Variants in DNAAF9 observed in about 807,000 individuals in gnomAD.
The protein encoded by DNAAF9 is dynein axonemal assembly factor 9.
A neutral mutation model predicts 167.0 loss-of-function variants in DNAAF9; 90 were observed. The observed-to-expected ratio is 0.54, with a 90% CI of 0.45 to 0.64. The LOEUF is 0.64. DNAAF9 is among the 30% of genes least tolerant of loss of function. DNAAF9 has a pLI of 0.00. For synonymous variants in DNAAF9, 491 were observed against 508.8 expected (o/e 0.96, Z 0.47); for missense variants, 1,315 against 1,442.2 (o/e 0.91, Z 1.43).
chr20:3,257,167 C>T lies in DNAAF9; in HGVS notation c.3056-956G>A, dbSNP rs146477949. 4.9e-4 allele frequency among the ~76,000 whole-genome samples: 74 copies of T among 151,930 alleles called. 1 individual carries two copies. The highest frequency in any genetic ancestry group is 3.4e-3 in the Admixed American group (52 of 15,258). On this transcript the variant is annotated intron_variant, in intron 33 of 36. Coordinates refer to ENST00000252032, the MANE Select transcript of DNAAF9 (RefSeq NM_001009984.3). Reference sequence around the variant, plus strand: ...CTGAAAGGCAGGATGAGAAAGGATCCGGAAAAAAGCGAGGTTAAATTTGAA... The same window carrying T: ...CTGAAAGGCAGGATGAGAAAGGATCTGGAAAAAAGCGAGGTTAAATTTGAA...
intron 6 of DNAAF9, among the ~76,000 whole-genome samples, chr20:3,369,462 C>G (rs2083480376): frequency 6.6e-6 from 1 of 152,028 alleles, no homozygotes; most frequent in South Asian, 2.1e-4. Flanking sequence ...CTGCAACCCC[C>G]ACTTCCTGGG....
chr20:3,256,230 T>TGTAAGGAGAA lies in DNAAF9; in HGVS notation c.3056-20_3056-19insTTCTCCTTAC, dbSNP rs774177629. ...TCAGAGTCTGTAAGGAGAATACACATTAGTCCCTGAGAGCCTGCCTTGAAA... is the reference window on the plus strand; with the variant it reads ...TCAGAGTCTGTAAGGAGAATACACATGTAAGGAGAATAGTCCCTGAGAGCCTGCCTTGAAA... On this transcript the variant is annotated intron_variant, in intron 33 of 36. Coordinates refer to ENST00000252032, the MANE Select transcript of DNAAF9 (RefSeq NM_001009984.3). The TGTAAGGAGAA allele has an allele frequency of 1.3e-5, 21 of 1,569,098 alleles. No individual in the cohort carries two copies. In the African/African-American group the frequency reaches 2.8e-4, roughly 21 times the overall value.
At chr20:3,306,895 A>G (rs2069307679) in intron 20 of DNAAF9, 1 of 985,082 alleles carries the variant, frequency 1.0e-6, no homozygotes, top group Admixed American at 6.2e-5. Flanking sequence ...GTTTCCAGAG[A>G]TAAGAGGGCT....
chr20:3,290,194 G>C lies in DNAAF9; in HGVS notation c.2262C>G (p.Gly754=). The C allele has an allele frequency of 1.2e-6, 2 of 1,611,782 alleles. No homozygotes were observed. The highest frequency in any genetic ancestry group is 1.7e-6 in the Non-Finnish European group (2 of 1,177,820). ...GCTCGCTAGCGTGACAGCCTGGGAG[G>C]CCGGTTACAATGCTGATAATTACCT... ...SDKVIISIVT[G]LPGCHASELC... is the part of the protein sequence containing the mutation. The change falls in exon 26 of 37, where the codon GGC becomes GGG. Residue 754 remains glycine, a synonymous_variant. Coordinates refer to ENST00000252032, the MANE Select transcript of DNAAF9 (RefSeq NM_001009984.3).
At chr20:3,402,580 T>A (rs1346701993) in intron 1 of DNAAF9, among the ~76,000 whole-genome samples, 1 of 141,276 alleles carries the variant, frequency 7.1e-6, no homozygotes, top group African/African-American at 2.6e-5. Flanking sequence ...TAAGATCAAC[T>A]TTTTTTTTTT....
At chr20:3,305,805 T>C (rs1455995257) in intron 20 of DNAAF9, among the ~76,000 whole-genome samples, 1 of 152,164 alleles carries the variant, frequency 6.6e-6, no homozygotes, top group African/African-American at 2.4e-5. Context: ...CAGAGGGACA[T>C]GCCAACCTTA....
intron 31 of DNAAF9, among the ~76,000 whole-genome samples, chr20:3,260,521 T>C (rs1168713880): frequency 2.6e-5 from 4 of 152,194 alleles, no homozygotes; most frequent in African/African-American, 4.8e-5. Flanking sequence ...AGACTAGCAG[T>C]TCCTTGATGT....
intron 1 of DNAAF9, among the ~76,000 whole-genome samples, chr20:3,398,277 G>A (rs138232993): frequency 2.7e-4 from 41 of 152,294 alleles, no homozygotes; most frequent in South Asian, 6.2e-4. Flanking sequence ...TGTTCTGATA[G>A]CAGAGTCTTG....
chr20:3,308,585 C>T lies in DNAAF9; in HGVS notation c.1679-4042G>A, dbSNP rs370684915. Reference sequence around the variant, plus strand: ...TCTCGAACTCCTGACCTCAGGTGACCTGCCCGCCTCGGCCTTCCAAAGTGC... The same window carrying T: ...TCTCGAACTCCTGACCTCAGGTGACTTGCCCGCCTCGGCCTTCCAAAGTGC... On this transcript the variant is annotated intron_variant, in intron 20 of 36. Coordinates refer to ENST00000252032, the MANE Select transcript of DNAAF9 (RefSeq NM_001009984.3). Among the ~76,000 whole-genome samples, 417 of 152,054 alleles carry T rather than the reference C, an allele frequency of 2.7e-3. 1 individual carries two copies. Among genetic ancestry groups the T allele is most frequent in the African/African-American group, 9.4e-3 (392 of 41,532 alleles).
At chr20:3,263,865 TATAG>T (rs563358100) in intron 31 of DNAAF9, among the ~76,000 whole-genome samples, 479 of 152,354 alleles carry the variant, frequency 3.1e-3, no homozygotes, top group Non-Finnish European at 5.1e-3. Context: ...GGAGCTGCCA[TATAG>T]AGAGTGGAGT....
rs10522445 is a variant in DNAAF9 at position 3,394,949 on chromosome 20, C to CTTTTTTTTTTTTTTTTTTTT, written c.84-12463_84-12444dup. 4.9e-5 allele frequency among the ~76,000 whole-genome samples: 5 copies of CTTTTTTTTTTTTTTTTTTTT among 102,132 alleles called. 1 individual carries two copies. The highest frequency in any genetic ancestry group is 3.1e-4 in the East Asian group (1 of 3,246). The allele number at this position is 102,132 out of a possible 152,430, so 67.0% of individuals were successfully genotyped here. Reference sequence around the variant, plus strand: ...GCTTTTACTGAACATTTTCTTTTTTCTTTTTTTTTTTTTTTTTTTTTTTTT... The same window carrying CTTTTTTTTTTTTTTTTTTTT: ...GCTTTTACTGAACATTTTCTTTTTTCTTTTTTTTTTTTTTTTTTTTTTTTTTTTTTTTTTTTTTTTTTTTT... On this transcript the variant is annotated intron_variant, in intron 1 of 36. Coordinates refer to ENST00000252032, the MANE Select transcript of DNAAF9 (RefSeq NM_001009984.3).
In DNAAF9 at chr20:3,376,248, T is replaced by C; in HGVS notation, c.338A>G (p.Asn113Ser). The change falls in exon 4 of 37, where the codon AAC becomes AGC. Residue 113 changes from asparagine to serine, a missense_variant. Physicochemically the swap from Asn to Ser is conservative, Grantham distance 46. Coordinates refer to ENST00000252032, the MANE Select transcript of DNAAF9 (RefSeq NM_001009984.3). The part of the protein sequence containing the change: ...DSVHLYCNPV[N>S]FRYLLPYVAH... ...CACATAAGGTAAGAGATAGCGAAAG[T>C]TTACAGGATTACAGTACAGATGGAC... 1 of 1,613,284 alleles carries C rather than the reference T, an allele frequency of 6.2e-7. No individual in the cohort carries two copies. The highest frequency in any genetic ancestry group is 8.5e-7 in the Non-Finnish European group (1 of 1,179,336).
rs938621997 is a variant in DNAAF9, at chr20:3,294,410, A to C, written c.2120+118T>G. On this transcript the variant is annotated intron_variant, in intron 24 of 36. Coordinates refer to ENST00000252032, the MANE Select transcript of DNAAF9 (RefSeq NM_001009984.3). ...ATTGTGTACAGTGTGTTACTGCGAC[A>C]TTTTACAGTGATCTCTAAGAAACTA... 5 of 810,568 alleles carry C rather than the reference A, an allele frequency of 6.2e-6. No individual in the cohort carries two copies. The African/African-American group carries it at 8.6e-5, about 14-fold the overall frequency. The allele number at this position is 810,568 out of a possible 1,614,324, so 50.2% of individuals were successfully genotyped here.
chr20:3,359,722 T>G, intron 6 of DNAAF9, 129 bp from the exon 7 acceptor site: 1 of 630,460 alleles, frequency 1.6e-6, no homozygotes, highest in African/African-American at 1.9e-5. Flanking sequence ...AATCAAAAAT[T>G]TATCAATTAT....
At chr20:3,356,726 CA>C (rs2083291736) in intron 7 of DNAAF9, among the ~76,000 whole-genome samples, 1 of 152,126 alleles carries the variant, frequency 6.6e-6, no homozygotes, top group Non-Finnish European at 1.5e-5. Context: ...CATAAAGCAG[CA>C]ACTACCTGAG....
chr20:3,330,806 T>TTTG, intron 11 of DNAAF9, 124 bp from the exon 12 acceptor site: 1 of 617,178 alleles, frequency 1.6e-6, no homozygotes. Context: ...TTTTTTTTTT[T>TTTG]TTTGAGACAC....
intron 26 of DNAAF9, among the ~76,000 whole-genome samples, 188 bp downstream of exon 26, chr20:3,289,941 G>A (rs2122902918): frequency 6.6e-6 from 1 of 152,320 alleles, no homozygotes; most frequent in Admixed American, 6.5e-5. Context: ...GTTCATCGAT[G>A]TATTCTCTCA....
At chr20:3,336,998 G>T (rs1203935673) in intron 10 of DNAAF9, among the ~76,000 whole-genome samples, 1 of 149,146 alleles carries the variant, frequency 6.7e-6, no homozygotes, top group East Asian at 2.0e-4. Context: ...TCCTGCCTCA[G>T]CCTCCCAAGT....
At chr20:3,353,843 G>A (rs903444885) in intron 7 of DNAAF9, among the ~76,000 whole-genome samples, 1 of 152,028 alleles carries the variant, frequency 6.6e-6, no homozygotes, top group African/African-American at 2.4e-5. Context: ...GTGTGCTTTA[G>A]GGGTTACAGA....
Sources: allele counts gnomAD v4.1 joint callset (sites outside exome capture counted in the v4.1 genomes callset), GRCh38; gene constraint gnomAD v4.1.1; transcripts MANE v1.5; gene names NCBI Gene and HGNC (gene_info 2026-07-23, HGNC 2026-07-21).